HDAC4: variants seen among roughly 807,000 people sequenced by gnomAD.
HDAC4 encodes the protein histone deacetylase 4.
A neutral mutation model predicts 135.1 loss-of-function variants in HDAC4; 16 were observed. That is an observed-to-expected ratio of 0.12 (90% CI 0.08 to 0.18). The LOEUF is 0.18. Among genes scored for constraint, HDAC4 ranks in the 10% least tolerant of loss-of-function variants. The pLI is 1.00. For missense variants in HDAC4, 1,143 were observed against 1,511.8 expected (o/e 0.76, Z 4.05); for synonymous variants, 685 against 653.4 (o/e 1.05, Z -0.74).
chr2:239,082,849 C>T lies in HDAC4; in HGVS notation c.2533-628G>A, dbSNP rs138242143. ...ACAGGCAGCCTGGGGCTTTACTGACCGTGGCTGTTCTGCCCCGGGCCACAG... is the reference window on the plus strand; with the variant it reads ...ACAGGCAGCCTGGGGCTTTACTGACTGTGGCTGTTCTGCCCCGGGCCACAG... On this transcript the variant is annotated intron_variant, in intron 20 of 26. Coordinates refer to ENST00000543185, the MANE Select transcript of HDAC4 (RefSeq NM_001378414.1). 5.1e-3 allele frequency among the ~76,000 whole-genome samples: 774 copies of T among 152,342 alleles called. 11 individuals carry two copies. The highest frequency in any genetic ancestry group is 0.017 in the African/African-American group (727 of 41,586).
chr2:239,137,472 C>T (rs545976901), intron 9 of HDAC4, among the ~76,000 whole-genome samples: 18 of 152,140 alleles, frequency 1.2e-4, no homozygotes, highest in South Asian at 6.2e-4. Context: ...GAGGAGGTGC[C>T]GGCACTCTGG....
At position 239,400,136 on chromosome 2, in the gene HDAC4, C is replaced by T. The variant is rs1451158581; in HGVS notation, c.-220+842G>A. Among the ~76,000 whole-genome samples, 1 of 151,824 alleles carries T rather than the reference C, an allele frequency of 6.6e-6. No individual in the cohort carries two copies. Among genetic ancestry groups the T allele is most frequent in the Non-Finnish European group, 1.5e-5 (1 of 67,874 alleles). On this transcript the variant is annotated intron_variant, in intron 1 of 26. Transcript: ENST00000543185. This position sits in a 1 kb window ranked among gnomAD's most constrained non-coding sequence, Gnocchi z 4.7. ...ACGCGGATCCCACCCCCGAGCGGGA[C>T]CGGGCCCCGTCTCGGCCTGCTGGCG...
intron 2 of HDAC4, among the ~76,000 whole-genome samples, chr2:239,253,053 T>C (rs1412611060): frequency 2.0e-5 from 3 of 152,222 alleles, no homozygotes; most frequent in African/African-American, 4.8e-5. Flanking sequence ...ACAACACACA[T>C]TCCCATCACA....
chr2:239,084,072 GC>G, intron 20 of HDAC4, 82 bp downstream of exon 20: 1 of 950,068 alleles, frequency 1.1e-6, no homozygotes, highest in Non-Finnish European at 1.7e-6. Flanking sequence ...CAAGAGCCCA[GC>G]TCCTCTGTCC....
At chr2:239,057,051 A>T (rs1411264443) in intron 24 of HDAC4, among the ~76,000 whole-genome samples, 1 of 152,252 alleles carries the variant, frequency 6.6e-6, no homozygotes, top group Non-Finnish European at 1.5e-5. Context: ...CAGTTGTGGT[A>T]AAGCTGGTGA....
chr2:239,197,855 GT>G (rs1177535485), intron 3 of HDAC4, among the ~76,000 whole-genome samples: 1 of 144,800 alleles, frequency 6.9e-6, no homozygotes, highest in East Asian at 2.0e-4. Context: ...GTTTGTGTGT[GT>G]GTGTGTGTGT....
intron 2 of HDAC4, among the ~76,000 whole-genome samples, chr2:239,336,423 T>C (rs1691944103): frequency 6.6e-6 from 1 of 152,158 alleles, no homozygotes; most frequent in Non-Finnish European, 1.5e-5. Context: ...GCTACATGTT[T>C]ATAATAACAA....
At chr2:239,138,242 T>C (rs2041108503) in intron 9 of HDAC4, among the ~76,000 whole-genome samples, 1 of 152,172 alleles carries the variant, frequency 6.6e-6, no homozygotes. Context: ...AATCGATGTA[T>C]GAAGTAGAAA....
chr2:239,060,940 CTG>C (rs751213922), intron 24 of HDAC4, among the ~76,000 whole-genome samples: 11 of 152,372 alleles, frequency 7.2e-5, no homozygotes, highest in Non-Finnish European at 1.5e-4. Context: ...GACGGCCCCG[CTG>C]TGTGTGGCCA....
intron 2 of HDAC4, among the ~76,000 whole-genome samples, chr2:239,343,152 A>G (rs900883677): frequency 5.9e-5 from 9 of 152,332 alleles, no homozygotes; most frequent in African/African-American, 2.2e-4. Context: ...AAAAAAGTTT[A>G]GGTATATGCC....
chr2:239,164,453 T>G (rs929080086), intron 5 of HDAC4, among the ~76,000 whole-genome samples: 6 of 152,236 alleles, frequency 3.9e-5, no homozygotes, highest in Non-Finnish European at 7.3e-5. Flanking sequence ...CAGCTCAGAC[T>G]CAGGCAGAGT....
At chr2:239,121,974 G>A (rs1469203201) in intron 12 of HDAC4, among the ~76,000 whole-genome samples, 1 of 152,212 alleles carries the variant, frequency 6.6e-6, no homozygotes, top group Non-Finnish European at 1.5e-5. Context: ...TGTGCAGCCC[G>A]AAGGCCTTGG....
rs1263466641 is a variant in HDAC4 at position 239,232,987 on chromosome 2, GACA to G, written c.94+3603_94+3605del. 5.9e-5 allele frequency among the ~76,000 whole-genome samples: 9 copies of G among 151,948 alleles called. No homozygotes were observed. In the East Asian group the frequency reaches 1.6e-3, roughly 26 times the overall value. On this transcript the variant is annotated intron_variant, in intron 3 of 26. Transcript: ENST00000543185. Reference sequence around the variant, plus strand: ...GGGTGGCCCTTCCCCTCAGCAAGCAGACAACAACTCCCAGGAAGGGGGAAGAGC... The same window carrying G: ...GGGTGGCCCTTCCCCTCAGCAAGCAGACAACTCCCAGGAAGGGGGAAGAGC...
chr2:239,290,746 G>A (rs188741377), intron 2 of HDAC4, among the ~76,000 whole-genome samples: 7 of 152,198 alleles, frequency 4.6e-5, no homozygotes, highest in East Asian at 3.9e-4. Flanking sequence ...ACACGCGCAC[G>A]CACTCACACA....
rs2039064354 is a variant in HDAC4, at chr2:239,115,679, C to A, written c.1534-369G>T. ...GAGCTTGAGTGTGAAGGGGAGAGGCCAATGCTGACCTCACAGCCACAACTG... is the reference window on the plus strand; with the variant it reads ...GAGCTTGAGTGTGAAGGGGAGAGGCAAATGCTGACCTCACAGCCACAACTG... On this transcript the variant is annotated intron_variant, in intron 12 of 26. Coordinates refer to ENST00000543185, the MANE Select transcript of HDAC4 (RefSeq NM_001378414.1). The surrounding 1 kb of genome is among the most constrained non-coding windows in gnomAD (Gnocchi z 6.3). 6.6e-6 allele frequency among the ~76,000 whole-genome samples: 1 copy of A among 152,030 alleles called. No individual in the cohort carries two copies. The highest frequency in any genetic ancestry group is 1.5e-5 in the Non-Finnish European group (1 of 67,984).
At chr2:239,080,470 C>A (rs1019004344) in intron 22 of HDAC4, among the ~76,000 whole-genome samples, 1 of 152,236 alleles carries the variant, frequency 6.6e-6, no homozygotes, top group Non-Finnish European at 1.5e-5. Flanking sequence ...CATTTTAAAA[C>A]GATGACAAGA....
chr2:239,175,850 A>G (rs1026409782), intron 5 of HDAC4, among the ~76,000 whole-genome samples: 2 of 152,210 alleles, frequency 1.3e-5, no homozygotes, highest in East Asian at 3.9e-4. Context: ...AAATCAAACC[A>G]AAAGTCGGGC....
intron 3 of HDAC4, among the ~76,000 whole-genome samples, chr2:239,229,183 T>A (rs2047405812): frequency 6.6e-6 from 1 of 152,114 alleles, no homozygotes; most frequent in Non-Finnish European, 1.5e-5. Context: ...ATAAAATGAA[T>A]AAAGTAATGG....
chr2:239,371,261 T>A (rs1485144312), intron 1 of HDAC4, among the ~76,000 whole-genome samples: 1 of 152,070 alleles, frequency 6.6e-6, no homozygotes, highest in Non-Finnish European at 1.5e-5. Flanking sequence ...GACCTCAAAC[T>A]CACACACTCA....
Sources: allele counts gnomAD v4.1 joint callset (sites outside exome capture counted in the v4.1 genomes callset), GRCh38; gene constraint gnomAD v4.1.1; non-coding constraint Gnocchi (gnomAD v3.1); transcripts MANE v1.5; gene names NCBI Gene and HGNC (gene_info 2026-07-23, HGNC 2026-07-21).